The following MRPL35 variants were observed in gnomAD, a reference collection of about 807,000 sequenced individuals.
The protein encoded by MRPL35 is large ribosomal subunit protein bL35m.
In MRPL35, 18 loss-of-function variants were observed where a neutral mutation model predicts 21.6. The observed-to-expected ratio is 0.83, with a 90% CI of 0.58 to 1.24. MRPL35 has a LOEUF of 1.24. MRPL35 is among the 50% of genes most tolerant of loss of function. MRPL35 has a pLI of 0.00. For synonymous variants in MRPL35, 87 were observed against 86.9 expected (o/e 1.00, Z -0.01); for missense variants, 223 against 223.2 (o/e 1.00, Z 0.01).
At position 86,213,452 on chromosome 2, in the gene MRPL35, C is replaced by T. The variant is rs1222900552; in HGVS notation, c.*2784C>T. On this transcript the variant is annotated 3_prime_UTR_variant, in exon 4 of 4. Coordinates refer to ENST00000337109, the MANE Select transcript of MRPL35 (RefSeq NM_016622.4). Reference sequence around the variant, plus strand: ...CAGTGATTTTGTCAAACATAGAATACAGGACTAAAAATGCAAAGAAATTGG... The same window carrying T: ...CAGTGATTTTGTCAAACATAGAATATAGGACTAAAAATGCAAAGAAATTGG... 1.5e-6 allele frequency: 2 copies of T among 1,323,220 alleles called. No homozygotes were observed. Among genetic ancestry groups the T allele is most frequent in the Non-Finnish European group, 1.9e-6 (2 of 1,031,784 alleles). The allele number at this position is 1,323,220 out of a possible 1,614,324, so 82.0% of individuals were successfully genotyped here. A position where few individuals can be genotyped will look rare whatever the true frequency, so the allele number is the denominator to read the frequency against.
chr2:86,209,404 C>T (rs1673859652), intron 3 of MRPL35, among the ~76,000 whole-genome samples: 1 of 152,174 alleles, frequency 6.6e-6, no homozygotes, highest in Non-Finnish European at 1.5e-5. Flanking sequence ...TGGTTTTAGC[C>T]AGATGTTAAT....
intron 2 of MRPL35, 53 bp from the exon 3 acceptor site, chr2:86,207,130 T>G (rs555438975): frequency 1.3e-6 from 2 of 1,498,322 alleles, no homozygotes; most frequent in East Asian, 2.5e-5. Flanking sequence ...TAATGAATTT[T>G]AATCCTTTAA....
chr2:86,211,691 G>A lies in MRPL35; in HGVS notation c.*1023G>A. 1 of 985,266 alleles carries A rather than the reference G, an allele frequency of 1.0e-6. No homozygotes were observed. The highest frequency in any genetic ancestry group is 1.2e-6 in the Non-Finnish European group (1 of 829,834). 61.0% of individuals were successfully genotyped at this position (985,266 alleles called of 1,614,324 possible). ...TAGGTATTTATTTTTTCTAGAGACA[G>A]GAGTTTTGCTCTGTTGCCCAGGCTG... On this transcript the variant is annotated 3_prime_UTR_variant, in exon 4 of 4. Transcript: ENST00000337109.
In MRPL35 at chr2:86,211,378, A is replaced by G. The variant is rs1306036552; in HGVS notation, c.*710A>G. ...TTTTTATACTAGGTCTGGTTGGGTC[A>G]TTGTCTAGAGTAGGGATTGGCTGTC... On this transcript the variant is annotated 3_prime_UTR_variant, in exon 4 of 4. Coordinates refer to ENST00000337109, the MANE Select transcript of MRPL35 (RefSeq NM_016622.4). 4 of 983,460 alleles carry G rather than the reference A, an allele frequency of 4.1e-6. No individual in the cohort carries two copies. In the African/African-American group the frequency reaches 7.0e-5, roughly 17 times the overall value. 60.9% of individuals were successfully genotyped at this position (983,460 alleles called of 1,614,324 possible). A position where few individuals can be genotyped will look rare whatever the true frequency, so the allele number is the denominator to read the frequency against.
At position 86,211,747 on chromosome 2, in the gene MRPL35, A is replaced by G; in HGVS notation, c.*1079A>G. On this transcript the variant is annotated 3_prime_UTR_variant, in exon 4 of 4. Coordinates refer to ENST00000337109, the MANE Select transcript of MRPL35 (RefSeq NM_016622.4). ...CAGTGGTGCAATCATAGCTCATTGA[A>G]GCCTCGCACTCCTGGGCTCAAGTGG... 1.0e-6 allele frequency: 1 copy of G among 983,000 alleles called. No homozygotes were observed. The highest frequency in any genetic ancestry group is 1.2e-6 in the Non-Finnish European group (1 of 827,776). 60.9% of individuals were successfully genotyped at this position (983,000 alleles called of 1,614,324 possible).
rs1673933650 is a variant in MRPL35, at chr2:86,212,760, T to C, written c.*2092T>C. The stretch of plus-strand genomic sequence containing the variant: ...GAAAGGGAATTTCATACATACGATT[T>C]TTGTTTTGTGGGTAGGAGGGCTTAT... On this transcript the variant is annotated 3_prime_UTR_variant, in exon 4 of 4. Transcript: ENST00000337109. The C allele has an allele frequency of 1.6e-5, 18 of 1,119,232 alleles. No individual in the cohort carries two copies. The highest frequency in any genetic ancestry group is 3.8e-4 in the Middle Eastern group (1 of 2,626). 69.3% of individuals were successfully genotyped at this position (1,119,232 alleles called of 1,614,324 possible).
chr2:86,205,340 T>A (rs1222018504), intron 1 of MRPL35, among the ~76,000 whole-genome samples: 1 of 152,208 alleles, frequency 6.6e-6, no homozygotes, highest in Non-Finnish European at 1.5e-5. Flanking sequence ...AGGTTACTGT[T>A]CATTAAGTGG....
chr2:86,204,453 T>G (rs1166605574), intron 1 of MRPL35, among the ~76,000 whole-genome samples: 1 of 29,982 alleles, frequency 3.3e-5, no homozygotes, highest in African/African-American at 1.4e-4. Flanking sequence ...ATTAGTGCAT[T>G]TTTTTTTTTA....
At chr2:86,209,332 T>C (rs1230764029) in intron 3 of MRPL35, among the ~76,000 whole-genome samples, 1 of 152,200 alleles carries the variant, frequency 6.6e-6, no homozygotes, top group Non-Finnish European at 1.5e-5. Flanking sequence ...GCCATGGTTT[T>C]GTTCAGTTGG....
Position 86,211,285 on chromosome 2 carries a change from A to G in MRPL35, c.*617A>G. 1.1e-6 allele frequency: 1 copy of G among 882,950 alleles called. No homozygotes were observed. The highest frequency in any genetic ancestry group is 1.4e-6 in the Non-Finnish European group (1 of 736,984). The allele number at this position is 882,950 out of a possible 1,614,324, so 54.7% of individuals were successfully genotyped here. A position where few individuals can be genotyped will look rare whatever the true frequency, so the allele number is the denominator to read the frequency against. On this transcript the variant is annotated 3_prime_UTR_variant, in exon 4 of 4. Transcript: ENST00000337109. The stretch of plus-strand genomic sequence containing the variant: ...ACTTGCACCTTTGAGGTTCTTTTCT[A>G]CATGATGACCTTCAGCTCCTGCTGC...
intron 1 of MRPL35, among the ~76,000 whole-genome samples, chr2:86,205,396 C>A (rs1413925991): frequency 6.9e-6 from 1 of 144,782 alleles, no homozygotes; most frequent in Admixed American, 6.9e-5. Flanking sequence ...ATTGAGTAGG[C>A]TGAGGAGGAG....
At position 86,211,859 on chromosome 2, in the gene MRPL35, G is replaced by C; in HGVS notation, c.*1191G>C. 2.0e-6 allele frequency: 2 copies of C among 985,484 alleles called. No individual in the cohort carries two copies. The highest frequency in any genetic ancestry group is 2.4e-6 in the Non-Finnish European group (2 of 829,990). 61.0% of individuals were successfully genotyped at this position (985,484 alleles called of 1,614,324 possible). On this transcript the variant is annotated 3_prime_UTR_variant, in exon 4 of 4. Transcript: ENST00000337109. The stretch of plus-strand genomic sequence containing the variant: ...CAGATTTCATGTTTTCATTTGTAAG[G>C]ATAAACTTTTCCCACAAATTTTCAA...
intron 1 of MRPL35, among the ~76,000 whole-genome samples, chr2:86,202,413 C>T (rs572532414): frequency 4.6e-5 from 7 of 152,154 alleles, no homozygotes; most frequent in Middle Eastern, 3.2e-3. Context: ...TCTTATGCAG[C>T]CTCAGGATCT....
chr2:86,211,690 AG>A lies in MRPL35; in HGVS notation c.*1024del. On this transcript the variant is annotated 3_prime_UTR_variant, in exon 4 of 4. Coordinates refer to ENST00000337109, the MANE Select transcript of MRPL35 (RefSeq NM_016622.4). ...ATAGGTATTTATTTTTTCTAGAGAC[AG>A]GAGTTTTGCTCTGTTGCCCAGGCTG... 1 of 985,324 alleles carries A rather than the reference AG, an allele frequency of 1.0e-6. No individual in the cohort carries two copies. Among genetic ancestry groups the A allele is most frequent in the African/African-American group, 1.7e-5 (1 of 57,362 alleles). The allele number at this position is 985,324 out of a possible 1,614,324, so 61.0% of individuals were successfully genotyped here.
chr2:86,210,785 C>G lies in MRPL35; in HGVS notation c.*117C>G. On this transcript the variant is annotated 3_prime_UTR_variant, in exon 4 of 4. Coordinates refer to ENST00000337109, the MANE Select transcript of MRPL35 (RefSeq NM_016622.4). ...TTGTACCAATGAATACGTAAACATA[C>G]AGTGACAACATTAAACTTAGAAAAG... The G allele has an allele frequency of 7.2e-7, 1 of 1,384,696 alleles. No individual in the cohort carries two copies. The highest frequency in any genetic ancestry group is 9.4e-7 in the Non-Finnish European group (1 of 1,062,978). The allele number at this position is 1,384,696 out of a possible 1,614,324, so 85.8% of individuals were successfully genotyped here. A position where few individuals can be genotyped will look rare whatever the true frequency, so the allele number is the denominator to read the frequency against.
chr2:86,205,959 G>A (rs1194687932), intron 1 of MRPL35, 147 bp from the exon 2 acceptor site: 3 of 721,070 alleles, frequency 4.2e-6, no homozygotes, highest in African/African-American at 3.5e-5. Flanking sequence ...TTATACCTTA[G>A]TAAGGTGGTA....
At chr2:86,200,059 G>C (rs55724176) in intron 1 of MRPL35, among the ~76,000 whole-genome samples, 6,739 of 152,204 alleles carry the variant, frequency 0.044, 511 homozygotes, top group African/African-American at 0.15. Flanking sequence ...CTGGTATGAG[G>C]ACTTCTTGAC....
At chr2:86,202,398 A>G (rs913638834) in intron 1 of MRPL35, among the ~76,000 whole-genome samples, 2 of 152,214 alleles carry the variant, frequency 1.3e-5, no homozygotes, top group African/African-American at 4.8e-5. Context: ...AAATTGATAA[A>G]TATGTCTTAT....
intron 1 of MRPL35, 103 bp from the exon 2 acceptor site, chr2:86,206,003 C>T (rs768884409): frequency 1.7e-5 from 17 of 1,014,158 alleles, no homozygotes; most frequent in East Asian, 2.4e-5. Flanking sequence ...GCTCAGGGCA[C>T]GTTAATTATG....
Sources: allele counts gnomAD v4.1 joint callset (sites outside exome capture counted in the v4.1 genomes callset), GRCh38; gene constraint gnomAD v4.1.1; transcripts MANE v1.5; gene names NCBI Gene and HGNC (gene_info 2026-07-23, HGNC 2026-07-21).